The following SLC4A5 variants were observed in gnomAD, a reference collection of about 807,000 sequenced individuals.
SLC4A5 encodes the protein solute carrier family 4 member 5, also known as electrogenic sodium bicarbonate cotransporter 4.
SLC4A5 carries 96 observed loss-of-function variants against 120.4 expected under a neutral mutation model. The observed-to-expected ratio is 0.80, with a 90% CI of 0.68 to 0.94. SLC4A5 has a LOEUF of 0.94. Ranked by LOEUF, SLC4A5 falls within the 40% of genes least tolerant of loss-of-function variation. SLC4A5 has a pLI of 0.00. For missense variants in SLC4A5, 1,259 were observed against 1,459.5 expected, an observed-to-expected ratio of 0.86 and a Z score of 2.24; for synonymous variants, 550 against 571.1, an observed-to-expected ratio of 0.96 and a Z score of 0.53.
At chr2:74,285,738 G>C in intron 8 of SLC4A5, 35 bp downstream of exon 8, 1 of 1,602,494 alleles carries the variant, frequency 6.2e-7, no homozygotes, top group Non-Finnish European at 8.5e-7. Flanking sequence ...GTGTGAGACT[G>C]AAGTGCCCAC....
Position 74,254,611 on chromosome 2 carries a change from CCACTTACAT to C in SLC4A5, c.1112_1113+7del. On this transcript the variant is annotated splice_donor_variant and splice_donor_5th_base_variant and coding_sequence_variant and intron_variant, in exon 14 of 31. Transcript: ENST00000394019. LOFTEE classifies it high-confidence loss of function. Reference sequence around the variant, plus strand: ...ATTCAGGAGTACAAGCTTCTGGTTACCACTTACATCATCTACCATGAGGGTTGCAATGGC... The same window carrying C: ...ATTCAGGAGTACAAGCTTCTGGTTACCATCTACCATGAGGGTTGCAATGGC... 6.2e-7 allele frequency: 1 copy of C among 1,612,798 alleles called. No individual in the cohort carries two copies. The highest frequency in any genetic ancestry group is 8.5e-7 in the Non-Finnish European group (1 of 1,178,900).
At chr2:74,265,400 AGAGGATCTCTT>A in intron 8 of SLC4A5, 136 bp from the exon 9 acceptor site, 2 of 1,024,360 alleles carry the variant, frequency 2.0e-6, no homozygotes, top group Non-Finnish European at 2.8e-6. Context: ...ACTCACAGGC[AGAGGATCTCTT>A]GGGGATCCCC....
chr2:74,220,791 C>T (rs928501830), intron 30 of SLC4A5, among the ~76,000 whole-genome samples: 2 of 149,904 alleles, frequency 1.3e-5, no homozygotes, highest in Non-Finnish European at 2.9e-5. Flanking sequence ...GCTGGGACTA[C>T]AGGCGTGAGC....
At chr2:74,300,163 A>G (rs927481365) in intron 7 of SLC4A5, among the ~76,000 whole-genome samples, 1 of 152,252 alleles carries the variant, frequency 6.6e-6, no homozygotes, top group Admixed American at 6.5e-5. Flanking sequence ...GAAAAAGTTG[A>G]ACTCATAGAA....
At chr2:74,301,871 G>A (rs1201298849) in intron 7 of SLC4A5, among the ~76,000 whole-genome samples, 1 of 152,172 alleles carries the variant, frequency 6.6e-6, no homozygotes, top group Non-Finnish European at 1.5e-5. Flanking sequence ...CCTTAAACCG[G>A]AGTGTCTGGA....
At chr2:74,309,115 C>A (rs1322807509) in intron 6 of SLC4A5, among the ~76,000 whole-genome samples, 21 of 151,644 alleles carry the variant, frequency 1.4e-4, no homozygotes, top group Non-Finnish European at 1.5e-5. Context: ...GTCTCAAAAT[C>A]TCTATGTTGC....
At chr2:74,250,622 AC>A in intron 16 of SLC4A5, 105 bp from the exon 17 acceptor site, 1 of 1,363,586 alleles carries the variant, frequency 7.3e-7, no homozygotes, top group Non-Finnish European at 1.0e-6. Flanking sequence ...AAGGAACTTG[AC>A]CAGGGTGGAT....
chr2:74,314,828 G>A (rs1223812932), intron 6 of SLC4A5, 117 bp downstream of exon 6: 6 of 878,532 alleles, frequency 6.8e-6, no homozygotes, highest in Admixed American at 3.6e-5. Context: ...CACTGTGGAT[G>A]AGTCAGGAAA....
At chr2:74,243,798 T>C (rs982598432) in intron 19 of SLC4A5, among the ~76,000 whole-genome samples, 3 of 152,224 alleles carry the variant, frequency 2.0e-5, no homozygotes, top group Non-Finnish European at 4.4e-5. Flanking sequence ...AAATATAACA[T>C]GGAAAATTTC....
At chr2:74,245,003 T>C (rs1670565338) in intron 19 of SLC4A5, among the ~76,000 whole-genome samples, 1 of 152,142 alleles carries the variant, frequency 6.6e-6, no homozygotes, top group Admixed American at 6.5e-5. Flanking sequence ...GGTTTGTTTT[T>C]TCCTGTGTAT....
chr2:74,237,041 A>G (rs551799129), intron 21 of SLC4A5, among the ~76,000 whole-genome samples: 123 of 150,874 alleles, frequency 8.2e-4, no homozygotes, highest in Admixed American at 2.1e-3. Context: ...CAGTGGCGCA[A>G]TCTTTGCTCA....
At chr2:74,258,148 C>G (rs1452091218) in intron 12 of SLC4A5, among the ~76,000 whole-genome samples, 1 of 152,230 alleles carries the variant, frequency 6.6e-6, no homozygotes. Context: ...CTGTCTGAAT[C>G]TACTCTCTGT....
intron 29 of SLC4A5, 25 bp from the exon 30 acceptor site, chr2:74,221,526 G>C (rs765620030): frequency 9.3e-6 from 15 of 1,612,832 alleles, no homozygotes; most frequent in Non-Finnish European, 1.3e-5. Context: ...AAAAATGTCA[G>C]ATGTGGAGCA....
At chr2:74,248,234 A>C (rs1333813938) in intron 18 of SLC4A5, 119 bp downstream of exon 18, 7 of 1,367,164 alleles carry the variant, frequency 5.1e-6, no homozygotes, top group Non-Finnish European at 7.0e-6. Context: ...CCCATAGTTA[A>C]AGATGGCTTT....
intron 24 of SLC4A5, 143 bp downstream of exon 24, chr2:74,232,326 T>C (rs928023182): frequency 1.1e-6 from 1 of 929,710 alleles, no homozygotes; most frequent in African/African-American, 1.7e-5. Context: ...CCTCCAGGGA[T>C]AGCACTCCTG....
chr2:74,342,533 G>A (rs1673651211), exon 2 of SLC4A5: 2 of 152,208 alleles, frequency 1.3e-5, no homozygotes, highest in South Asian at 4.1e-4. Context: ...ATCCTGGGAT[G>A]CCTGCTTGGA....
intron 12 of SLC4A5, among the ~76,000 whole-genome samples, chr2:74,258,517 T>C (rs1443249838): frequency 6.6e-6 from 1 of 152,254 alleles, no homozygotes; most frequent in Admixed American, 6.5e-5. Context: ...AAAAGTGGTT[T>C]TCCTCTCCAA....
At chr2:74,262,183 G>T (rs891206759) in exon 11 of SLC4A5, 86 of 1,613,796 alleles carry the variant, frequency 5.3e-5, no homozygotes, top group Non-Finnish European at 6.8e-5. Flanking sequence ...GGTCTTCCGT[G>T]GAGTGGTGTA....
At chr2:74,264,347 C>T in intron 9 of SLC4A5, 48 bp from the exon 10 acceptor site, 1 of 1,577,206 alleles carries the variant, frequency 6.3e-7, no homozygotes, top group Non-Finnish European at 8.6e-7. Context: ...AGAACAGCTC[C>T]AGGGTATGGA....
Sources: gnomAD v4.1 joint callset for allele counts (sites outside exome capture counted in the v4.1 genomes callset) on GRCh38, gnomAD v4.1.1 for gene constraint, MANE v1.5 for transcripts, NCBI Gene and HGNC (gene_info 2026-07-23, HGNC 2026-07-21) for gene names.